The following TNRC18 variants were observed in gnomAD, a reference collection of about 807,000 sequenced individuals.
TNRC18 encodes trinucleotide repeat-containing gene 18 protein.
TNRC18 carries 69 observed loss-of-function variants against 226.7 expected under a neutral mutation model. That is an observed-to-expected ratio of 0.30 (90% confidence interval 0.25 to 0.37). The LOEUF (loss-of-function observed/expected upper bound fraction) is 0.37, where lower values mean the gene tolerates loss of function less well. TNRC18 is among the 10% of genes least tolerant of loss of function. The pLI, the probability that TNRC18 is intolerant of heterozygous loss-of-function variation, is 1.00. For missense variants in TNRC18, 4,754 were observed against 4,256.6 expected (o/e 1.12, Z -3.25); for synonymous variants, 2,449 against 1,927.6 (o/e 1.27, Z -7.09).
At chr7:5,398,414 C>T (rs919098266) in intron 2 of TNRC18, among the ~76,000 whole-genome samples, 6 of 152,244 alleles carry the variant, frequency 3.9e-5, no homozygotes, top group African/African-American at 1.4e-4. Context: ...AGGTGATCCA[C>T]CCGCCTCATC....
chr7:5,327,372 C>CATGT (rs1484839998), intron 19 of TNRC18, among the ~76,000 whole-genome samples: 1 of 142,708 alleles, frequency 7.0e-6, no homozygotes, highest in South Asian at 2.3e-4. Flanking sequence ...TGTGTTTGTG[C>CATGT]GTGTGTGTGT....
At chr7:5,353,546 C>G (rs1792050934) in intron 16 of TNRC18, among the ~76,000 whole-genome samples, 1 of 111,740 alleles carries the variant, frequency 8.9e-6, no homozygotes, top group African/African-American at 3.6e-5. Context: ...GGCGACAGAG[C>G]AAGACATCAT....
intron 1 of TNRC18, among the ~76,000 whole-genome samples, chr7:5,421,878 AAG>A (rs1782607120): frequency 6.6e-6 from 1 of 152,240 alleles, no homozygotes; most frequent in South Asian, 2.1e-4. Flanking sequence ...TAAAACCGTG[AAG>A]CCTTGCCACA....
chr7:5,361,315 A>C (rs1325998415), intron 14 of TNRC18, among the ~76,000 whole-genome samples: 1 of 152,216 alleles, frequency 6.6e-6, no homozygotes, highest in African/African-American at 2.4e-5. Flanking sequence ...ATTAGGCCCT[A>C]GGCGTGAGGA....
Position 5,325,184 on chromosome 7 carries a change from G to A in TNRC18, c.6212C>T (p.Pro2071Leu), listed in dbSNP as rs1397651147. The A allele has an allele frequency of 6.4e-7, 1 of 1,553,958 alleles. No homozygotes were observed. The highest frequency in any genetic ancestry group is 2.4e-5 in the East Asian group (1 of 41,438). ...GGCGTGAGGAGCCCTGGCCTCAGAG[G>A]GCAAGGCAGGAGCTCGGGGCGGCGG... ...GLPPPRAPAL[P>L]SEARAPHASS... The change falls in exon 20 of 30, where the codon CCC (proline) becomes CTC (leucine). Residue 2071 changes from proline (P) to leucine (L), a missense_variant. Transcript: ENST00000430969.
In TNRC18 at chr7:5,393,488, C is replaced by T. The variant is rs540445504; in HGVS notation, c.343+952G>A. On this transcript the variant is annotated intron_variant, in intron 3 of 29. Coordinates refer to ENST00000430969, the MANE Select transcript of TNRC18 (RefSeq NM_001080495.3). ...GCAGGATTCGGGATGACGGTCAGAC[C>T]TGGCCCCGCAGGAGGAAGTGGAGGG... Among the ~76,000 whole-genome samples the T allele has an allele frequency of 6.8e-3, 1,036 of 152,322 alleles. 5 individuals are homozygous for T. Among genetic ancestry groups the T allele is most frequent in the Non-Finnish European group, 0.011 (727 of 68,032 alleles).
At chr7:5,406,634 T>G (rs754983870) in intron 2 of TNRC18, among the ~76,000 whole-genome samples, 11 of 151,798 alleles carry the variant, frequency 7.2e-5, no homozygotes, top group Non-Finnish European at 1.3e-4. Context: ...GCGGATCACC[T>G]GAAGTCAGGA....
chr7:5,356,231 G>T (rs1254061477), intron 16 of TNRC18, among the ~76,000 whole-genome samples: 1 of 151,768 alleles, frequency 6.6e-6, no homozygotes, highest in African/African-American at 2.4e-5. Flanking sequence ...GGTTCCAGTG[G>T]GTAGGTGGGT....
intron 2 of TNRC18, among the ~76,000 whole-genome samples, chr7:5,402,220 A>T (rs1781154520): frequency 6.8e-6 from 1 of 147,930 alleles, no homozygotes; most frequent in African/African-American, 2.5e-5. Flanking sequence ...TGGGCAACAG[A>T]GCAAGACCCC....
chr7:5,339,147 T>C (rs1790415124), intron 18 of TNRC18, among the ~76,000 whole-genome samples: 1 of 151,156 alleles, frequency 6.6e-6, no homozygotes, highest in Admixed American at 6.6e-5. Context: ...AAAATTGCAA[T>C]TGTTTTGGGG....
chr7:5,403,252 C>T (rs1259305179), intron 2 of TNRC18, among the ~76,000 whole-genome samples: 1 of 151,976 alleles, frequency 6.6e-6, no homozygotes, highest in African/African-American at 2.4e-5. Context: ...CCTCTACCTC[C>T]CGGGTTCAAG....
chr7:5,384,175 C>A (rs959213323), intron 5 of TNRC18, among the ~76,000 whole-genome samples: 1 of 152,194 alleles, frequency 6.6e-6, no homozygotes, highest in African/African-American at 2.4e-5. Flanking sequence ...ACCACATTAA[C>A]CAGTCTGATC....
intron 19 of TNRC18, among the ~76,000 whole-genome samples, chr7:5,329,707 A>AG (rs1789312464): frequency 1.3e-5 from 2 of 150,326 alleles, no homozygotes; most frequent in Admixed American, 6.7e-5. Flanking sequence ...AAAAAAAAAA[A>AG]GGATAGCTAT....
Position 5,377,334 on chromosome 7 carries a change from C to CCA in TNRC18, c.2461+36_2461+37insTG. On this transcript the variant is annotated intron_variant, in intron 7 of 29. Transcript: ENST00000430969. The surrounding 1 kb of genome is among the most constrained non-coding windows in gnomAD (Gnocchi z 5.8). ...TGCACCCGCCCCCTCCCACCCCTCC[C>CCA]TCAGAGAAGGGGAGAGACCCTGTGC... The CCA allele has an allele frequency of 7.2e-7, 1 of 1,384,180 alleles. No homozygotes were observed. The highest frequency in any genetic ancestry group is 9.8e-7 in the Non-Finnish European group (1 of 1,023,576). 85.7% of individuals were successfully genotyped at this position (1,384,180 alleles called of 1,614,324 possible). A position where few individuals can be genotyped will look rare whatever the true frequency, so the allele number is the denominator to read the frequency against.
intron 17 of TNRC18, 65 bp from the exon 18 acceptor site, chr7:5,345,875 C>G: frequency 6.7e-7 from 1 of 1,488,872 alleles, no homozygotes; most frequent in Non-Finnish European, 8.9e-7. Flanking sequence ...CCCCCACCGC[C>G]CCCTGGCCCA....
upstream of TNRC18, among the ~76,000 whole-genome samples, chr7:5,423,834 T>TAAA (rs1259808024): frequency 1.4e-5 from 1 of 71,562 alleles, no homozygotes; most frequent in Admixed American, 1.5e-4. Context: ...TCGCAGGATC[T>TAAA]AAAAAAAAAA....
At chr7:5,392,226 G>C (rs1464364000) in intron 3 of TNRC18, among the ~76,000 whole-genome samples, 1 of 152,144 alleles carries the variant, frequency 6.6e-6, no homozygotes, top group Non-Finnish European at 1.5e-5. Flanking sequence ...CATTTTGGGA[G>C]GCCGAGTTGG....
At chr7:5,385,494 C>CA (rs60919833) in intron 5 of TNRC18, among the ~76,000 whole-genome samples, 21,901 of 85,166 alleles carry the variant, frequency 0.26, 3,586 homozygotes, top group East Asian at 0.57. Context: ...GACTCCGTCT[C>CA]AAAAAAAAAA....
Position 5,377,863 on chromosome 7 carries a change from C to T in TNRC18, c.2255+59G>A. 1 of 1,554,220 alleles carries T rather than the reference C, an allele frequency of 6.4e-7. No homozygotes were observed. Among genetic ancestry groups the T allele is most frequent in the Non-Finnish European group, 8.8e-7 (1 of 1,130,020 alleles). On this transcript the variant is annotated intron_variant, in intron 6 of 29. Coordinates refer to ENST00000430969, the MANE Select transcript of TNRC18 (RefSeq NM_001080495.3). The surrounding 1 kb of genome is among the most constrained non-coding windows in gnomAD (Gnocchi z 5.8). ...CCCACCTGGGGTCATCCAGCTGCCC[C>T]TCACCCCCAGGGGCTCCTAGATACC...
Sources: gnomAD v4.1 joint callset for allele counts (sites outside exome capture counted in the v4.1 genomes callset) on GRCh38, gnomAD v4.1.1 for gene constraint, Gnocchi (gnomAD v3.1) non-coding constraint, MANE v1.5 for transcripts, NCBI Gene and HGNC (gene_info 2026-07-23, HGNC 2026-07-21) for gene names.